OR4D10: variants seen among roughly 807,000 people sequenced by gnomAD.
OR4D10 encodes olfactory receptor family 4 subfamily D member 10.
For missense variants in OR4D10, 395 were observed against 378.0 expected (o/e 1.04, Z -0.37); for synonymous variants, 188 against 153.2 (o/e 1.23, Z -1.68).
chr11:59,477,415 A>G lies in OR4D10; in HGVS notation c.-15A>G. 3 of 1,525,654 alleles carry G rather than the reference A, an allele frequency of 2.0e-6. No individual in the cohort carries two copies. The highest frequency in any genetic ancestry group is 1.8e-6 in the Non-Finnish European group (2 of 1,134,224). The allele number at this position is 1,525,654 out of a possible 1,614,324, so 94.5% of individuals were successfully genotyped here. A position where few individuals can be genotyped will look rare whatever the true frequency, so the allele number is the denominator to read the frequency against. On this transcript the variant is annotated 5_prime_UTR_variant, in exon 3 of 3. In the 5' UTR this introduces an upstream ATG that the reference lacks. Coordinates refer to ENST00000530162, the MANE Select transcript of OR4D10 (RefSeq NM_001004705.2). Reference sequence around the variant, plus strand: ...GACATGGTTTAAAACCAAAGAGAATAAAGAGGATGATTGAATGGAGATGGA... The same window carrying G: ...GACATGGTTTAAAACCAAAGAGAATGAAGAGGATGATTGAATGGAGATGGA...
At position 59,478,354 on chromosome 11, in the gene OR4D10, G is replaced by T; in HGVS notation, c.925G>T (p.Asp309Tyr). 1 of 1,568,052 alleles carries T rather than the reference G, an allele frequency of 6.4e-7. No individual in the cohort carries two copies. Among genetic ancestry groups the T allele is most frequent in the Non-Finnish European group, 8.6e-7 (1 of 1,159,676 alleles). ...ACTGAAGAGAAGACTTGTGCCTTCT[G>T]ATAGAAAATAGAAAAAAAAATCCTC... is the stretch of plus-strand genomic sequence containing the variant. ...RRLKRRLVPS[D>Y]RK Residue 309 changes from aspartate (D) to tyrosine (Y), a missense_variant, in exon 3 of 3, where the codon GAT becomes TAT. By Grantham distance (160) the Asp-to-Tyr change is radical. Coordinates refer to ENST00000530162, the MANE Select transcript of OR4D10 (RefSeq NM_001004705.2).
intron 2 of OR4D10, 145 bp from the exon 3 acceptor site, chr11:59,477,117 T>C (rs1168800533): frequency 8.6e-6 from 2 of 232,210 alleles, no homozygotes; most frequent in Non-Finnish European, 1.7e-5. Context: ...GGGAGTTTTG[T>C]ACCAAAAACA....
rs989813130 is a variant in OR4D10, at chr11:59,479,145, C to G, written c.*780C>G. The G allele has an allele frequency of 2.0e-5, 3 of 152,146 alleles. No individual in the cohort carries two copies. The highest frequency in any genetic ancestry group is 7.2e-5 in the African/African-American group (3 of 41,428). 9.4% of individuals were successfully genotyped at this position (152,146 alleles called of 1,614,324 possible). A position where few individuals can be genotyped will look rare whatever the true frequency, so the allele number is the denominator to read the frequency against. On this transcript the variant is annotated 3_prime_UTR_variant, in exon 3 of 3. Coordinates refer to ENST00000530162, the MANE Select transcript of OR4D10 (RefSeq NM_001004705.2). ...CACTCAGGACTCTATTTTGAAATTTCCTATTTTCTTGTCTCTTTCTCTTAC... is the reference window on the plus strand; with the variant it reads ...CACTCAGGACTCTATTTTGAAATTTGCTATTTTCTTGTCTCTTTCTCTTAC...
chr11:59,476,643 C>T (rs1015890850), intron 2 of OR4D10, among the ~76,000 whole-genome samples: 1 of 152,116 alleles, frequency 6.6e-6, no homozygotes, highest in Non-Finnish European at 1.5e-5. Context: ...CAGATTCCTA[C>T]TCATCTCTGC....
At chr11:59,475,218 T>C (rs1448426640) in intron 2 of OR4D10, among the ~76,000 whole-genome samples, 2 of 152,218 alleles carry the variant, frequency 1.3e-5, no homozygotes, top group African/African-American at 4.8e-5. Flanking sequence ...CTAGGCACCA[T>C]TGAATGTAAT....
chr11:59,476,230 T>C (rs573330328), intron 2 of OR4D10, among the ~76,000 whole-genome samples: 2 of 152,320 alleles, frequency 1.3e-5, no homozygotes, highest in South Asian at 4.1e-4. Context: ...CCAGCTGATT[T>C]TCTCCCAGAC....
intron 2 of OR4D10, among the ~76,000 whole-genome samples, chr11:59,474,260 A>G (rs1244384776): frequency 6.6e-6 from 1 of 152,190 alleles, no homozygotes; most frequent in African/African-American, 2.4e-5. Context: ...TACTGACAGA[A>G]ATGATCATAT....
At chr11:59,477,133 T>A (rs1858916047) in intron 2 of OR4D10, 129 bp from the exon 3 acceptor site, 2 of 259,766 alleles carry the variant, frequency 7.7e-6, no homozygotes, top group African/African-American at 4.4e-5. Flanking sequence ...AAACATCAAA[T>A]TAAATATGGG....
chr11:59,474,306 C>T (rs895370330), intron 2 of OR4D10, among the ~76,000 whole-genome samples: 1 of 152,198 alleles, frequency 6.6e-6, no homozygotes, highest in African/African-American at 2.4e-5. Flanking sequence ...CAAATCTTCT[C>T]TTACAACACG....
At chr11:59,473,900 G>A (rs1184815725) in intron 2 of OR4D10, 107 bp downstream of exon 2, 1 of 152,228 alleles carries the variant, frequency 6.6e-6, no homozygotes, top group Non-Finnish European at 1.5e-5. Context: ...GACCCTTTGA[G>A]TTGCTTATGT....
rs1369948020 is a variant in OR4D10, at chr11:59,477,880, G to A, written c.451G>A (p.Gly151Arg). 1.2e-6 allele frequency: 2 copies of A among 1,613,926 alleles called. No individual in the cohort carries two copies. The highest frequency in any genetic ancestry group is 1.3e-5 in the African/African-American group (1 of 74,884). ...CIGLTVAAWLGGFVHSIVQIS... is the reference protein window; with the variant it reads ...CIGLTVAAWLRGFVHSIVQIS... The stretch of plus-strand genomic sequence containing the variant: ...TGGGCTCACAGTGGCTGCCTGGTTG[G>A]GGGGCTTTGTCCACTCCATCGTGCA... Residue 151 changes from glycine to arginine, a missense_variant, in exon 3 of 3, where the codon GGG becomes AGG. Transcript: ENST00000530162.
chr11:59,475,538 TTATG>T (rs1858896011), intron 2 of OR4D10, among the ~76,000 whole-genome samples: 1 of 152,206 alleles, frequency 6.6e-6, no homozygotes, highest in Non-Finnish European at 1.5e-5. Flanking sequence ...CCATGTGTGA[TTATG>T]CACTTACATG....
At position 59,477,491 on chromosome 11, in the gene OR4D10, G is replaced by A. The variant is rs1174933030; in HGVS notation, c.62G>A (p.Arg21Gln). Reference protein sequence around the residue: ...EFIFLGLTQNREVSLVLFLFL... With the variant: ...EFIFLGLTQNQEVSLVLFLFL... The stretch of plus-strand genomic sequence containing the variant: ...ATTTTCCTTGGCCTGACCCAGAATC[G>A]GGAAGTGAGCTTAGTCTTATTTCTT... Residue 21 changes from arginine to glutamine, a missense_variant, in exon 3 of 3, where the codon CGG becomes CAG. Physicochemically the swap from Arg to Gln is conservative, Grantham distance 43. Coordinates refer to ENST00000530162, the MANE Select transcript of OR4D10 (RefSeq NM_001004705.2). 4.3e-6 allele frequency: 7 copies of A among 1,611,168 alleles called. No individual in the cohort carries two copies. The highest frequency in any genetic ancestry group is 2.2e-5 in the South Asian group (2 of 90,428).
chr11:59,474,793 A>T (rs1349798055), intron 2 of OR4D10, among the ~76,000 whole-genome samples: 1 of 152,116 alleles, frequency 6.6e-6, no homozygotes, highest in East Asian at 1.9e-4. Flanking sequence ...GCAGAGGCTC[A>T]GGCCTGTAAT....
Position 59,477,999 on chromosome 11 carries a change from A to G in OR4D10, c.570A>G (p.Thr190=). Residue 190 remains threonine (T), a synonymous_variant, in exon 3 of 3, where the codon ACA becomes ACG. Transcript: ENST00000530162. The part of the protein sequence containing the change: ...DVHRVLKLAH[T]DIFILELLMI... ...ACCGGGTCCTCAAACTGGCCCATAC[A>G]GACATTTTCATACTTGAACTACTAA... is the stretch of plus-strand genomic sequence containing the variant. 9 of 1,614,168 alleles carry G rather than the reference A, an allele frequency of 5.6e-6. No individual in the cohort carries two copies. Among genetic ancestry groups the G allele is most frequent in the Non-Finnish European group, 5.9e-6 (7 of 1,180,030 alleles).
chr11:59,477,919 C>T lies in OR4D10; in HGVS notation c.490C>T (p.Leu164Phe), dbSNP rs768520873. ...CTCCATCGTGCAGATTTCCCTGTTG[C>T]TCCCACTCCCTTTCTGCGGACCCAA... ...VHSIVQISLL[L>F]PLPFCGPNVL... is the part of the protein sequence containing the mutation. Residue 164 changes from leucine (L) to phenylalanine (F), a missense_variant, in exon 3 of 3, where the codon CTC (leucine) becomes TTC (phenylalanine). By Grantham distance (22) the Leu-to-Phe change is conservative. Coordinates refer to ENST00000530162, the MANE Select transcript of OR4D10 (RefSeq NM_001004705.2). The T allele has an allele frequency of 1.2e-6, 2 of 1,614,154 alleles. No individual in the cohort carries two copies. Among genetic ancestry groups the T allele is most frequent in the Non-Finnish European group, 1.7e-6 (2 of 1,180,034 alleles).
Position 59,478,122 on chromosome 11 carries a change from G to A in OR4D10, c.693G>A (p.Glu231=), listed in dbSNP as rs1858930222. 1.2e-6 allele frequency: 2 copies of A among 1,613,970 alleles called. No individual in the cohort carries two copies. The highest frequency in any genetic ancestry group is 2.2e-5 in the South Asian group (2 of 91,074). The change falls in exon 3 of 3, where the codon GAG becomes GAA. Residue 231 remains glutamate (E), a synonymous_variant. Coordinates refer to ENST00000530162, the MANE Select transcript of OR4D10 (RefSeq NM_001004705.2). ...CATTACCCAAGTCTCAGGCAGGAGA[G>A]GGCAGGAGGAAAGCCATCTCCACCT... is the stretch of plus-strand genomic sequence containing the variant. The part of the protein sequence containing the change: ...ILSLPKSQAG[E]GRRKAISTCT...
In OR4D10 at chr11:59,477,814, C is replaced by A. The variant is rs753385978; in HGVS notation, c.385C>A (p.Pro129Thr). The stretch of plus-strand genomic sequence containing the variant: ...GGATCGATATGTGGCCATCTCCAAG[C>A]CCCTGCACTATGCGACTATCATGAG... ...ALDRYVAISK[P>T]LHYATIMSRD... is the part of the protein sequence containing the mutation. The change falls in exon 3 of 3, where the codon CCC (proline) becomes ACC (threonine). Residue 129 changes from proline to threonine, a missense_variant. Physicochemically the swap from Pro to Thr is conservative, Grantham distance 38. Transcript: ENST00000530162. 71 of 1,613,974 alleles carry A rather than the reference C, an allele frequency of 4.4e-5. No homozygotes were observed. Among genetic ancestry groups the A allele is most frequent in the Non-Finnish European group, 5.8e-5 (68 of 1,180,014 alleles).
At chr11:59,474,042 G>A (rs1323520101) in intron 2 of OR4D10, among the ~76,000 whole-genome samples, 2 of 152,108 alleles carry the variant, frequency 1.3e-5, no homozygotes, top group African/African-American at 4.8e-5. Context: ...ACTGAACTTG[G>A]GGAAAAAATG....
Sources: allele counts gnomAD v4.1 joint callset (sites outside exome capture counted in the v4.1 genomes callset), GRCh38; gene constraint gnomAD v4.1.1; transcripts MANE v1.5; gene names NCBI Gene and HGNC (gene_info 2026-07-23, HGNC 2026-07-21).